GSG1L: variants seen among roughly 807,000 people sequenced by gnomAD.
The protein encoded by GSG1L is germ cell-specific gene 1-like protein.
A neutral mutation model predicts 42.1 loss-of-function variants in GSG1L; 24 were observed. The ratio of observed to expected loss-of-function variants is 0.57; its 90% CI spans 0.41 to 0.80. The LOEUF is 0.80. GSG1L is among the 30% of genes least tolerant of loss of function. The pLI is 0.00. For synonymous variants in GSG1L, 215 were observed against 203.5 expected, an observed-to-expected ratio of 1.06 and a Z score of -0.48; for missense variants, 445 against 472.2, an observed-to-expected ratio of 0.94 and a Z score of 0.53.
intron 2 of GSG1L, among the ~76,000 whole-genome samples, chr16:27,962,796 C>A (rs1191806227): frequency 6.6e-6 from 1 of 152,184 alleles, no homozygotes; most frequent in Non-Finnish European, 1.5e-5. Flanking sequence ...CTTCCCTCCC[C>A]CAAGGTCAAA....
At chr16:27,974,305 T>C (rs1048094292) in intron 1 of GSG1L, among the ~76,000 whole-genome samples, 1 of 152,062 alleles carries the variant, frequency 6.6e-6, no homozygotes, top group African/African-American at 2.4e-5. Flanking sequence ...GGGTCATAGG[T>C]TATTAGCTCA....
At chr16:27,914,605 C>A (rs1231069789) in intron 2 of GSG1L, among the ~76,000 whole-genome samples, 1 of 150,620 alleles carries the variant, frequency 6.6e-6, no homozygotes, top group Non-Finnish European at 1.5e-5. Context: ...CTCACTGCAG[C>A]CTCGACCTCC....
At chr16:27,908,848 A>G (rs1007741294) in intron 2 of GSG1L, among the ~76,000 whole-genome samples, 1 of 152,164 alleles carries the variant, frequency 6.6e-6, no homozygotes, top group African/African-American at 2.4e-5. Context: ...CAACTCCTAC[A>G]CATCCTGCAA....
intron 1 of GSG1L, among the ~76,000 whole-genome samples, chr16:28,003,078 G>A (rs1429975436): frequency 6.6e-6 from 1 of 152,244 alleles, no homozygotes; most frequent in Admixed American, 6.5e-5. Context: ...TGTTGTGAGC[G>A]AGTCCTGGGA....
At position 28,063,446 on chromosome 16, in the gene GSG1L, G is replaced by C; in HGVS notation, c.-22C>G. The C allele has an allele frequency of 8.5e-7, 1 of 1,173,002 alleles. No individual in the cohort carries two copies. Among genetic ancestry groups the C allele is most frequent in the Non-Finnish European group, 1.1e-6 (1 of 948,098 alleles). The allele number at this position is 1,173,002 out of a possible 1,614,324, so 72.7% of individuals were successfully genotyped here. Reference sequence around the variant, plus strand: ...TCATGCCGCCCGCGCCGCCGGGACGGGACTGCACCGCCGGGGAGCTCCGCG... The same window carrying C: ...TCATGCCGCCCGCGCCGCCGGGACGCGACTGCACCGCCGGGGAGCTCCGCG... On this transcript the variant is annotated 5_prime_UTR_variant, in exon 1 of 7. Transcript: ENST00000447459. This position sits in a 1 kb window ranked among gnomAD's most constrained non-coding sequence, Gnocchi z 5.8.
At chr16:27,933,452 A>G (rs956195172) in intron 2 of GSG1L, among the ~76,000 whole-genome samples, 3 of 152,082 alleles carry the variant, frequency 2.0e-5, no homozygotes, top group African/African-American at 7.2e-5. Flanking sequence ...TTTTGAGACC[A>G]GCCAGGGCAA....
At position 27,824,822 on chromosome 16, in the gene GSG1L, C is replaced by T. The variant is rs184564689; in HGVS notation, c.830+3967G>A. On this transcript the variant is annotated intron_variant, in intron 5 of 6. Coordinates refer to ENST00000447459, the MANE Select transcript of GSG1L (RefSeq NM_001109763.2). ...CTCAGCAAAATGAGGTGTGTTTTAC[C>T]CACAGATGCCCAAGGAGGTGAATCT... Among the ~76,000 whole-genome samples, 8 of 152,300 alleles carry T rather than the reference C, an allele frequency of 5.3e-5. No individual in the cohort carries two copies. The East Asian group carries it at 1.5e-3, about 29-fold the overall frequency.
intron 5 of GSG1L, among the ~76,000 whole-genome samples, chr16:27,819,935 G>A (rs1307151529): frequency 6.6e-6 from 1 of 152,142 alleles, no homozygotes; most frequent in Non-Finnish European, 1.5e-5. Context: ...TGCAGCCACA[G>A]ACTAGGACGA....
At chr16:27,943,290 C>G (rs2084821859) in intron 2 of GSG1L, among the ~76,000 whole-genome samples, 1 of 152,012 alleles carries the variant, frequency 6.6e-6, no homozygotes. Context: ...CTTGAAGAAC[C>G]AGTGGCATTG....
Position 27,963,947 on chromosome 16 carries a change from G to A in GSG1L, c.350-744C>T, listed in dbSNP as rs531683829. Among the ~76,000 whole-genome samples, 65 of 152,296 alleles carry A rather than the reference G, an allele frequency of 4.3e-4. No homozygotes were observed. In the South Asian group the frequency reaches 0.013, roughly 30 times the overall value. On this transcript the variant is annotated intron_variant, in intron 1 of 6. Coordinates refer to ENST00000447459, the MANE Select transcript of GSG1L (RefSeq NM_001109763.2). ...AGAGTGTACTGACCGCCAAGAACTGGAAGGGAGGATTTAAAAGAAAGAAAA... is the reference window on the plus strand; with the variant it reads ...AGAGTGTACTGACCGCCAAGAACTGAAAGGGAGGATTTAAAAGAAAGAAAA...
chr16:27,848,795 G>A (rs944179969), intron 3 of GSG1L, among the ~76,000 whole-genome samples: 1 of 152,070 alleles, frequency 6.6e-6, no homozygotes, highest in African/African-American at 2.4e-5. Context: ...ATGAGGAGCT[G>A]AGGGCAGCCA....
intron 2 of GSG1L, among the ~76,000 whole-genome samples, chr16:27,936,790 C>A (rs2141078533): frequency 6.6e-6 from 1 of 152,264 alleles, no homozygotes; most frequent in African/African-American, 2.4e-5. Context: ...AAAGCAATGA[C>A]AAAACTGCAA....
At chr16:27,935,520 C>CCT (rs2084706019) in intron 2 of GSG1L, among the ~76,000 whole-genome samples, 1 of 152,110 alleles carries the variant, frequency 6.6e-6, no homozygotes, top group Admixed American at 6.5e-5. Flanking sequence ...AGAAGTCCTG[C>CCT]CTCTCAGGCC....
chr16:27,901,660 G>T (rs1056886732), intron 2 of GSG1L, among the ~76,000 whole-genome samples: 1 of 152,204 alleles, frequency 6.6e-6, no homozygotes, highest in East Asian at 1.9e-4. Flanking sequence ...GCCCCAGGTC[G>T]TTCAGATGCA....
chr16:27,949,570 C>T (rs557681866), intron 2 of GSG1L, among the ~76,000 whole-genome samples: 4 of 151,856 alleles, frequency 2.6e-5, no homozygotes, highest in Admixed American at 1.3e-4. Flanking sequence ...CAGTGAGCTA[C>T]GATTGCACCA....
intron 2 of GSG1L, among the ~76,000 whole-genome samples, chr16:27,937,887 G>A (rs9923466): frequency 6.6e-6 from 1 of 151,802 alleles, no homozygotes; most frequent in African/African-American, 2.4e-5. Flanking sequence ...TTCCCTTGAC[G>A]CCTCTACACA....
intron 2 of GSG1L, among the ~76,000 whole-genome samples, chr16:27,932,995 G>A (rs2084673698): frequency 6.6e-6 from 1 of 152,154 alleles, no homozygotes; most frequent in Non-Finnish European, 1.5e-5. Context: ...GCCACTTGCT[G>A]AGTGGTGGGG....
intron 2 of GSG1L, among the ~76,000 whole-genome samples, chr16:27,949,797 C>T (rs533914175): frequency 1.3e-5 from 2 of 149,694 alleles, no homozygotes; most frequent in South Asian, 2.1e-4. Context: ...CGGTGGTGGG[C>T]GCCTGTAGTC....
At position 27,973,494 on chromosome 16, in the gene GSG1L, C is replaced by T. The variant is rs1030292535; in HGVS notation, c.350-10291G>A. Among the ~76,000 whole-genome samples, 23 of 138,954 alleles carry T rather than the reference C, an allele frequency of 1.7e-4. 1 individual carries two copies. The highest frequency in any genetic ancestry group is 5.0e-4 in the African/African-American group (19 of 37,646). The allele number at this position is 138,954 out of a possible 152,430, so 91.2% of individuals were successfully genotyped here. On this transcript the variant is annotated intron_variant, in intron 1 of 6. Coordinates refer to ENST00000447459, the MANE Select transcript of GSG1L (RefSeq NM_001109763.2). ...GAGTGTGTGCTTAGGAGATGGCTTTCGTTGTCATCACTGTCACCTACATGC... is the reference window on the plus strand; with the variant it reads ...GAGTGTGTGCTTAGGAGATGGCTTTTGTTGTCATCACTGTCACCTACATGC...
Sources: allele counts gnomAD v4.1 joint callset (sites outside exome capture counted in the v4.1 genomes callset), GRCh38; gene constraint gnomAD v4.1.1; non-coding constraint Gnocchi (gnomAD v3.1); transcripts MANE v1.5; gene names NCBI Gene and HGNC (gene_info 2026-07-23, HGNC 2026-07-21).